The following C9 variants were observed in gnomAD, a reference collection of about 807,000 sequenced individuals.
C9 encodes the protein complement C9.
Under a neutral mutation model 65.4 loss-of-function variants are expected in C9, and 63 were observed. The observed-to-expected ratio is 0.96, with a 90% CI of 0.79 to 1.19. The LOEUF is 1.19. Ranked by LOEUF, C9 falls within the 50% of genes most tolerant of loss-of-function variation. The pLI is 0.00. For missense variants in C9, 744 were observed against 670.1 expected (o/e 1.11, Z -1.22); for synonymous variants, 229 against 227.9 (o/e 1.00, Z -0.04).
Position 39,358,940 on chromosome 5 carries a change from G to A in C9, c.77+5448C>T, listed in dbSNP as rs914065955. Among the ~76,000 whole-genome samples, 61 of 150,840 alleles carry A rather than the reference G, an allele frequency of 4.0e-4. 2 individuals carry two copies. The highest frequency in any genetic ancestry group is 5.9e-5 in the Non-Finnish European group (4 of 67,818). ...GCGGAGCTTACAGGGAGCCGAGATC[G>A]CGCCACTGCACTCCAGCCTGGGTGG... is the stretch of plus-strand genomic sequence containing the variant. On this transcript the variant is annotated intron_variant, in intron 1 of 10. Transcript: ENST00000263408.
intron 3 of C9, 48 bp from the exon 4 acceptor site, chr5:39,341,341 C>CTT (rs748651906): frequency 6.2e-7 from 1 of 1,604,962 alleles, no homozygotes; most frequent in Admixed American, 1.7e-5. Context: ...GTCAAATTTT[C>CTT]TCTTTCTTTC....
At chr5:39,296,126 T>A (rs1753181175) in intron 9 of C9, among the ~76,000 whole-genome samples, 1 of 151,458 alleles carries the variant, frequency 6.6e-6, no homozygotes, top group South Asian at 2.1e-4. Context: ...AGGGAAAAAA[T>A]TTTCTGAATA....
rs1454472106 is a variant in C9, at chr5:39,360,359, T to C, written c.77+4029A>G. ...AGACAGCAGCTACTTGGTGGCAGAG[T>C]TGGAATTGAAACCCGGACAACTTCT... is the stretch of plus-strand genomic sequence containing the variant. On this transcript the variant is annotated intron_variant, in intron 1 of 10. Coordinates refer to ENST00000263408, the MANE Select transcript of C9 (RefSeq NM_001737.5). 9.2e-5 allele frequency among the ~76,000 whole-genome samples: 14 copies of C among 151,876 alleles called. No individual in the cohort carries two copies. The East Asian group carries it at 2.5e-3, about 27-fold the overall frequency.
At chr5:39,295,246 T>C (rs1753163347) in intron 9 of C9, among the ~76,000 whole-genome samples, 1 of 151,644 alleles carries the variant, frequency 6.6e-6, no homozygotes, top group South Asian at 2.1e-4. Context: ...ACACCTAAAT[T>C]GGAAAAGAGG....
At chr5:39,288,349 G>A (rs976959814) in intron 10 of C9, among the ~76,000 whole-genome samples, 5 of 151,460 alleles carry the variant, frequency 3.3e-5, no homozygotes, top group East Asian at 1.9e-4. Flanking sequence ...ATATGTCTAC[G>A]TCTATACACA....
intron 4 of C9, among the ~76,000 whole-genome samples, chr5:39,333,583 C>T (rs1000064277): frequency 6.3e-5 from 9 of 142,880 alleles, no homozygotes; most frequent in Non-Finnish European, 1.2e-4. Flanking sequence ...TCTCCCTCTC[C>T]GTCTCCCTCT....
At chr5:39,352,907 T>C (rs1754349018) in intron 1 of C9, among the ~76,000 whole-genome samples, 1 of 152,084 alleles carries the variant, frequency 6.6e-6, no homozygotes, top group Non-Finnish European at 1.5e-5. Context: ...CCTGTTCCAA[T>C]TGCTGGTACC....
chr5:39,287,808 C>G (rs180954137), intron 10 of C9, among the ~76,000 whole-genome samples: 1 of 151,930 alleles, frequency 6.6e-6, no homozygotes, highest in East Asian at 1.9e-4. Context: ...AAATAATAGA[C>G]AGTGGGGACT....
intron 5 of C9, among the ~76,000 whole-genome samples, chr5:39,330,653 G>C (rs73078514): frequency 6.6e-6 from 1 of 152,266 alleles, no homozygotes; most frequent in African/African-American, 2.4e-5. Context: ...GCTTAAAGAA[G>C]TTTAACCTGG....
At chr5:39,347,224 G>C (rs368862423) in intron 1 of C9, among the ~76,000 whole-genome samples, 1 of 152,164 alleles carries the variant, frequency 6.6e-6, no homozygotes, top group Non-Finnish European at 1.5e-5. Flanking sequence ...AAAAGAGGAA[G>C]TCAAATTGTC....
chr5:39,307,301 A>C (rs1442507362), intron 8 of C9, among the ~76,000 whole-genome samples: 2 of 152,182 alleles, frequency 1.3e-5, no homozygotes, highest in Non-Finnish European at 2.9e-5. Context: ...CTTTTAACAA[A>C]ACTTTGTAAG....
intron 5 of C9, among the ~76,000 whole-genome samples, chr5:39,321,121 C>A (rs759965801): frequency 6.6e-6 from 1 of 151,948 alleles, no homozygotes; most frequent in Non-Finnish European, 1.5e-5. Flanking sequence ...AGTACATAGT[C>A]AAATTCAGAA....
Position 39,311,373 on chromosome 5 carries a change from T to G in C9, c.875A>C (p.Lys292Thr). ...LFLSYSSKKE[K>T]MFLHVKGEIH... The stretch of plus-strand genomic sequence containing the variant: ...TTCTCCTTTCACATGCAGAAACATT[T>G]TTTCCTGTGTTGTAGAGCAGATGAA... The change falls in exon 7 of 11, where the codon AAA becomes ACA. Residue 292 changes from lysine to threonine, a missense_variant. By Grantham distance (78) the Lys-to-Thr change is moderately conservative. Transcript: ENST00000263408. 6.2e-7 allele frequency: 1 copy of G among 1,611,930 alleles called. No homozygotes were observed. The highest frequency in any genetic ancestry group is 8.5e-7 in the Non-Finnish European group (1 of 1,179,058).
At chr5:39,345,896 T>C (rs201210128) in intron 1 of C9, among the ~76,000 whole-genome samples, 1 of 152,170 alleles carries the variant, frequency 6.6e-6, no homozygotes, top group South Asian at 2.1e-4. Flanking sequence ...ACATGGAAAC[T>C]GAACAACCTG....
At chr5:39,316,063 A>C in intron 5 of C9, 34 bp from the exon 6 acceptor site, 1 of 1,579,558 alleles carries the variant, frequency 6.3e-7, no homozygotes, top group South Asian at 1.1e-5. Context: ...GTTAAAAACA[A>C]GATACGAAAC....
At chr5:39,327,039 C>T (rs759089978) in intron 5 of C9, among the ~76,000 whole-genome samples, 10 of 151,808 alleles carry the variant, frequency 6.6e-5, no homozygotes, top group Non-Finnish European at 8.8e-5. Flanking sequence ...CCAAAAAGCA[C>T]GTATTATACA....
chr5:39,357,421 C>T (rs568955931), intron 1 of C9, among the ~76,000 whole-genome samples: 4 of 152,288 alleles, frequency 2.6e-5, no homozygotes, highest in East Asian at 1.9e-4. Context: ...CAGAGCTTCT[C>T]TCATGTGCTT....
chr5:39,290,542 T>G (rs1166207949), intron 9 of C9, among the ~76,000 whole-genome samples: 1 of 151,842 alleles, frequency 6.6e-6, no homozygotes, highest in African/African-American at 2.4e-5. Context: ...ATGGATTAAA[T>G]AATGTGGACT....
At chr5:39,304,585 G>T (rs1753340994) in intron 9 of C9, among the ~76,000 whole-genome samples, 1 of 151,996 alleles carries the variant, frequency 6.6e-6, no homozygotes, top group Non-Finnish European at 1.5e-5. Flanking sequence ...GTCATACAAA[G>T]TCAACAAAAC....
Sources: allele counts gnomAD v4.1 joint callset (sites outside exome capture counted in the v4.1 genomes callset), GRCh38; gene constraint gnomAD v4.1.1; transcripts MANE v1.5; gene names NCBI Gene and HGNC (gene_info 2026-07-23, HGNC 2026-07-21).